The following RNF180 variants were observed in gnomAD, a reference collection of about 807,000 sequenced individuals.
RNF180 encodes E3 ubiquitin-protein ligase RNF180.
Under a neutral mutation model 59.2 loss-of-function variants are expected in RNF180, and 38 were observed. The observed-to-expected ratio is 0.64, with a 90% CI of 0.50 to 0.84. RNF180 has a LOEUF of 0.84. Ranked by LOEUF, RNF180 falls within the 40% of genes least tolerant of loss-of-function variation. The probability of loss-of-function intolerance (pLI) is 0.00; values close to 1 mark genes in which losing one functional copy is unlikely to be tolerated. For synonymous variants in RNF180, 262 were observed against 240.3 expected (o/e 1.09, Z -0.84); for missense variants, 705 against 700.9 (o/e 1.01, Z -0.07).
At chr5:64,343,813 G>A (rs1313978312) in intron 7 of RNF180, among the ~76,000 whole-genome samples, 3 of 150,828 alleles carry the variant, frequency 2.0e-5, no homozygotes, top group Non-Finnish European at 4.4e-5. Context: ...GACATTTCAG[G>A]TATCCAGTAG....
chr5:64,319,382 T>TCA (rs1354958587), intron 5 of RNF180, among the ~76,000 whole-genome samples: 1 of 152,168 alleles, frequency 6.6e-6, no homozygotes, highest in Non-Finnish European at 1.5e-5. Context: ...TACATTATAC[T>TCA]ATTGTGTTAA....
At chr5:64,366,369 T>C (rs1746447766) in intron 7 of RNF180, among the ~76,000 whole-genome samples, 1 of 151,496 alleles carries the variant, frequency 6.6e-6, no homozygotes, top group Non-Finnish European at 1.5e-5. Flanking sequence ...AGGTGGTCTT[T>C]CTCTCTAGCT....
chr5:64,186,516 C>G (rs1750881935), intron 1 of RNF180, among the ~76,000 whole-genome samples: 1 of 152,108 alleles, frequency 6.6e-6, no homozygotes, highest in African/African-American at 2.4e-5. Context: ...AGTCAACTGG[C>G]TTAGAACCCC....
chr5:64,253,109 C>G (rs1743692397), intron 5 of RNF180, among the ~76,000 whole-genome samples: 1 of 152,118 alleles, frequency 6.6e-6, no homozygotes, highest in African/African-American at 2.4e-5. Context: ...TTGTCCTAGT[C>G]TACACAGAGA....
intron 5 of RNF180, among the ~76,000 whole-genome samples, chr5:64,316,591 A>G (rs1285235300): frequency 6.6e-6 from 1 of 152,208 alleles, no homozygotes; most frequent in Non-Finnish European, 1.5e-5. Context: ...TTGTCCCTGC[A>G]TTCTTCAGAT....
Position 64,369,606 on chromosome 5 carries a change from A to G in RNF180, c.1580-9A>G. On this transcript the variant is annotated splice_polypyrimidine_tract_variant and intron_variant, in intron 7 of 7. Transcript: ENST00000389100. ...TTAATGGGCTTTAATATGTTCATAC[A>G]TCTTCTAGGTTTCCGCAGACATGCA... The G allele has an allele frequency of 6.7e-7, 1 of 1,491,976 alleles. No individual in the cohort carries two copies. Among genetic ancestry groups the G allele is most frequent in the Non-Finnish European group, 8.9e-7 (1 of 1,122,888 alleles). 92.4% of individuals were successfully genotyped at this position (1,491,976 alleles called of 1,614,324 possible). A position where few individuals can be genotyped will look rare whatever the true frequency, so the allele number is the denominator to read the frequency against.
chr5:64,219,345 C>G (rs879178347), intron 5 of RNF180, among the ~76,000 whole-genome samples: 3 of 149,592 alleles, frequency 2.0e-5, no homozygotes, highest in Non-Finnish European at 4.5e-5. Context: ...TTACTAGATA[C>G]TATTTGCCAA....
intron 5 of RNF180, among the ~76,000 whole-genome samples, chr5:64,300,892 G>A (rs1743128775): frequency 6.6e-6 from 1 of 151,684 alleles, no homozygotes; most frequent in African/African-American, 2.4e-5. Flanking sequence ...TAGTTACCAA[G>A]TTTTATACCC....
In RNF180 at chr5:64,212,053, T is replaced by G. The variant is rs138074530; in HGVS notation, c.136-12T>G. 11,944 of 1,477,462 alleles carry G rather than the reference T, an allele frequency of 8.1e-3. 66 individuals are homozygous for G. The highest frequency in any genetic ancestry group is 9.4e-3 in the Non-Finnish European group (9,997 of 1,059,668). The allele number at this position is 1,477,462 out of a possible 1,614,324, so 91.5% of individuals were successfully genotyped here. A position where few individuals can be genotyped will look rare whatever the true frequency, so the allele number is the denominator to read the frequency against. ...CTGGTAATTAGTAATATCATTTATT[T>G]TTATTTAACAGGATAAAGATGATTC... On this transcript the variant is annotated splice_polypyrimidine_tract_variant and intron_variant, in intron 2 of 7. Transcript: ENST00000389100.
intron 5 of RNF180, among the ~76,000 whole-genome samples, chr5:64,265,365 AC>A (rs1744598545): frequency 6.6e-6 from 1 of 152,080 alleles, no homozygotes; most frequent in Admixed American, 6.6e-5. Flanking sequence ...TTTCAGTCTT[AC>A]GTTTAGGTCT....
chr5:64,199,538 CTG>C (rs1223669139), intron 1 of RNF180, among the ~76,000 whole-genome samples: 1 of 152,138 alleles, frequency 6.6e-6, no homozygotes, highest in East Asian at 1.9e-4. Context: ...AGTTGAAAAA[CTG>C]TTGATCTGTA....
At position 64,184,056 on chromosome 5, in the gene RNF180, T is replaced by G. The variant is rs147622443; in HGVS notation, c.1-16752T>G. Among the ~76,000 whole-genome samples, 778 of 152,268 alleles carry G rather than the reference T, an allele frequency of 5.1e-3. 7 individuals are homozygous for G. Among genetic ancestry groups the G allele is most frequent in the African/African-American group, 0.018 (745 of 41,566 alleles). On this transcript the variant is annotated intron_variant, in intron 1 of 7. Coordinates refer to ENST00000389100, the MANE Select transcript of RNF180 (RefSeq NM_001113561.2). ...TGGTATCCTTATACATAGAACAAAT[T>G]TGGACACATAAAGACCTACTGGTTA... is the stretch of plus-strand genomic sequence containing the variant.
At position 64,311,444 on chromosome 5, in the gene RNF180, G is replaced by A. The variant is rs190714977; in HGVS notation, c.1228-13742G>A. Among the ~76,000 whole-genome samples, 491 of 151,444 alleles carry A rather than the reference G, an allele frequency of 3.2e-3. 1 individual carries two copies. The highest frequency in any genetic ancestry group is 0.012 in the African/African-American group (483 of 41,374). On this transcript the variant is annotated intron_variant, in intron 5 of 7. Coordinates refer to ENST00000389100, the MANE Select transcript of RNF180 (RefSeq NM_001113561.2). ...CCTATGGTTTCCTGCCTCCAGGTAG[G>A]AAAAAAAATAGATGGAGATGTACAT...
At chr5:64,317,621 TATACACACAC>T (rs1191120550) in intron 5 of RNF180, among the ~76,000 whole-genome samples, 1 of 110,190 alleles carries the variant, frequency 9.1e-6, no homozygotes, top group African/African-American at 4.9e-5. Context: ...CACACACATA[TATACACACAC>T]ACACACACAC....
intron 5 of RNF180, among the ~76,000 whole-genome samples, chr5:64,307,382 T>C (rs1743528748): frequency 1.3e-5 from 2 of 151,574 alleles, no homozygotes; most frequent in African/African-American, 4.8e-5. Context: ...TGATTCCAAA[T>C]GTATAATAGA....
intron 5 of RNF180, among the ~76,000 whole-genome samples, chr5:64,324,742 G>T (rs144754824): frequency 6.6e-6 from 1 of 152,114 alleles, no homozygotes; most frequent in Non-Finnish European, 1.5e-5. Flanking sequence ...TGTTCCACAC[G>T]CAGTATGAGA....
chr5:64,198,441 A>C (rs1159365557), intron 1 of RNF180, among the ~76,000 whole-genome samples: 1 of 152,232 alleles, frequency 6.6e-6, no homozygotes, highest in Non-Finnish European at 1.5e-5. Flanking sequence ...AGATGTAAAA[A>C]TCATTGATAC....
chr5:64,225,243 C>T lies in RNF180; in HGVS notation c.1227+7847C>T, dbSNP rs528656519. On this transcript the variant is annotated intron_variant, in intron 5 of 7. Coordinates refer to ENST00000389100, the MANE Select transcript of RNF180 (RefSeq NM_001113561.2). ...TGGCTTCAGCTCTTTTGGCCTTACG[C>T]ATAGGAAAAACTATCTTTTTTTCAT... Among the ~76,000 whole-genome samples the T allele has an allele frequency of 2.0e-5, 3 of 152,204 alleles. No homozygotes were observed. The South Asian group carries it at 6.2e-4, about 32-fold the overall frequency.
chr5:64,194,745 T>A (rs575872791), intron 1 of RNF180, among the ~76,000 whole-genome samples: 7 of 152,328 alleles, frequency 4.6e-5, no homozygotes, highest in African/African-American at 1.2e-4. Flanking sequence ...CATTTCTCTG[T>A]TGGCCAGTGA....
Sources: gnomAD v4.1 joint callset for allele counts (sites outside exome capture counted in the v4.1 genomes callset) on GRCh38, gnomAD v4.1.1 for gene constraint, MANE v1.5 for transcripts, NCBI Gene and HGNC (gene_info 2026-07-23, HGNC 2026-07-21) for gene names.